The following DENND4C variants were observed in gnomAD, a reference collection of about 807,000 sequenced individuals.
The protein encoded by DENND4C is DENN domain containing 4C.
In DENND4C, 108 loss-of-function variants were observed where a neutral mutation model predicts 203.0. That is an observed-to-expected ratio of 0.53 (90% CI 0.46 to 0.62). The LOEUF (loss-of-function observed/expected upper bound fraction) is 0.62, where lower values mean the gene tolerates loss of function less well. DENND4C is among the 20% of genes least tolerant of loss of function. The probability of loss-of-function intolerance (pLI) is 0.00; values close to 1 mark genes in which losing one functional copy is unlikely to be tolerated. For missense variants in DENND4C, 2,481 were observed against 2,301.2 expected (o/e 1.08, Z -1.60); for synonymous variants, 871 against 792.4 (o/e 1.10, Z -1.67).
chr9:19,331,149 A>G (rs1485402806), intron 16 of DENND4C, among the ~76,000 whole-genome samples: 1 of 152,148 alleles, frequency 6.6e-6, no homozygotes, highest in Non-Finnish European at 1.5e-5. Flanking sequence ...AACCAGAACT[A>G]GAAAACATGA....
chr9:19,231,373 C>T (rs1293417032), intron 1 of DENND4C, among the ~76,000 whole-genome samples: 1 of 152,130 alleles, frequency 6.6e-6, no homozygotes, highest in Non-Finnish European at 1.5e-5. Context: ...ACATTTCCTT[C>T]TCTGTCTTAC....
In DENND4C at chr9:19,328,114, G is replaced by C. The variant is rs774573541; in HGVS notation, c.2205G>C (p.Gly735=). Residue 735 remains glycine, a synonymous_variant, in exon 16 of 33, where the codon GGG becomes GGC. Transcript: ENST00000434457. The stretch of plus-strand genomic sequence containing the variant: ...TTTGTTTTAGTAGACACCCTACTGG[G>C]AATAGCATTACAAAGAGTCCACCTC... The part of the protein sequence containing the change: ...LKLCFSRHPT[G]NSITKSPPLM... The C allele has an allele frequency of 6.2e-7, 1 of 1,613,534 alleles. No individual in the cohort carries two copies.
Position 19,316,720 on chromosome 9 carries a change from A to T in DENND4C, c.1688A>T (p.Gln563Leu), listed in dbSNP as rs1249155767. The T allele has an allele frequency of 1.2e-6, 2 of 1,614,146 alleles. No individual in the cohort carries two copies. Among genetic ancestry groups the T allele is most frequent in the South Asian group, 2.2e-5 (2 of 91,082 alleles). ...KKMTQLEMEIQEAFLRFMASI... is the reference protein window; with the variant it reads ...KKMTQLEMEILEAFLRFMASI... ...ATGACACAGCTTGAGATGGAAATTC[A>T]AGAGGCATTTTTGCGCTTTATGGCG... is the stretch of plus-strand genomic sequence containing the variant. The change falls in exon 12 of 33, where the codon CAA becomes CTA. Residue 563 changes from glutamine to leucine, a missense_variant. Transcript: ENST00000434457.
At chr9:19,324,612 G>C in intron 13 of DENND4C, 105 bp downstream of exon 13, 2 of 1,226,016 alleles carry the variant, frequency 1.6e-6, no homozygotes, top group East Asian at 2.4e-5. Flanking sequence ...AAACAGAGTA[G>C]GGTTGTGTAT....
chr9:19,272,945 CTTTT>C (rs35973945), intron 1 of DENND4C, among the ~76,000 whole-genome samples: 1 of 86,604 alleles, frequency 1.2e-5, no homozygotes, highest in Non-Finnish European at 2.3e-5. Context: ...TTTTTGTATC[CTTTT>C]TTTTTTTTTT....
intron 1 of DENND4C, among the ~76,000 whole-genome samples, chr9:19,258,385 A>T (rs1828509690): frequency 6.6e-6 from 1 of 152,206 alleles, no homozygotes; most frequent in Non-Finnish European, 1.5e-5. Context: ...TACCAGAACC[A>T]AAGATATTAC....
intron 31 of DENND4C, among the ~76,000 whole-genome samples, chr9:19,371,122 CTTTTT>C: frequency 6.6e-6 from 1 of 152,016 alleles, no homozygotes; most frequent in East Asian, 1.9e-4. Flanking sequence ...AGCCTTACGT[CTTTTT>C]TTTCTCTGTA....
intron 12 of DENND4C, among the ~76,000 whole-genome samples, chr9:19,319,315 C>CATATATATATACATATAT (rs1563798831): frequency 1.8e-5 from 1 of 56,480 alleles, no homozygotes; most frequent in African/African-American, 4.4e-5. Context: ...CATATATACA[C>CATATATATATACATATAT]ACATATATAT....
chr9:19,240,151 T>C (rs1823307587), intron 1 of DENND4C, among the ~76,000 whole-genome samples: 1 of 152,146 alleles, frequency 6.6e-6, no homozygotes, highest in African/African-American at 2.4e-5. Context: ...TTCTGAGGAA[T>C]GCATCATTGG....
rs1156742145 is a variant in DENND4C at position 19,280,171 on chromosome 9, T to TC, written c.305+3692_305+3693insC. On this transcript the variant is annotated intron_variant, in intron 2 of 32. Coordinates refer to ENST00000434457, the MANE Select transcript of DENND4C (RefSeq NM_001330640.2). ...CTCCCTTCCTCCCTTCCTTTTTTTTTGGACAGAGTCTCGCTCTGTCCAGGC... is the reference window on the plus strand; with the variant it reads ...CTCCCTTCCTCCCTTCCTTTTTTTTTCGGACAGAGTCTCGCTCTGTCCAGGC... Among the ~76,000 whole-genome samples the TC allele has an allele frequency of 1.3e-3, 197 of 152,192 alleles. 1 individual carries two copies. Among genetic ancestry groups the TC allele is most frequent in the African/African-American group, 4.4e-3 (184 of 41,528 alleles).
intron 2 of DENND4C, among the ~76,000 whole-genome samples, chr9:19,282,487 C>G (rs895126384): frequency 6.7e-6 from 1 of 149,258 alleles, no homozygotes; most frequent in African/African-American, 2.5e-5. Context: ...CACCTGAGCT[C>G]AAGTGATCTG....
chr9:19,288,750 C>T (rs1835695316), intron 4 of DENND4C, 85 bp downstream of exon 4: 2 of 643,856 alleles, frequency 3.1e-6, no homozygotes, highest in Non-Finnish European at 4.4e-6. Flanking sequence ...AGTATGCTCC[C>T]TTACATAGTT....
intron 30 of DENND4C, among the ~76,000 whole-genome samples, chr9:19,367,507 C>T (rs990916941): frequency 2.6e-5 from 4 of 152,140 alleles, no homozygotes; most frequent in South Asian, 2.1e-4. Flanking sequence ...AGGCTGAGGC[C>T]GGCAGATCAC....
intron 10 of DENND4C, among the ~76,000 whole-genome samples, chr9:19,312,608 A>T (rs545316754): frequency 1.2e-4 from 18 of 152,312 alleles, no homozygotes; most frequent in African/African-American, 4.3e-4. Context: ...GGGTGTGTGT[A>T]TGTGTTTTAA....
intron 1 of DENND4C, among the ~76,000 whole-genome samples, chr9:19,251,873 A>G (rs900462804): frequency 2.0e-5 from 3 of 152,170 alleles, no homozygotes; most frequent in African/African-American, 7.2e-5. Context: ...ATTTTGGTCA[A>G]AGCCACTTAA....
intron 10 of DENND4C, among the ~76,000 whole-genome samples, chr9:19,307,457 T>A (rs1839915458): frequency 6.7e-6 from 1 of 149,900 alleles, no homozygotes; most frequent in Admixed American, 6.7e-5. Flanking sequence ...AAATAACTTG[T>A]ATCTATTCAC....
At chr9:19,286,664 A>G in intron 2 of DENND4C, 105 bp from the exon 3 acceptor site, 3 of 1,114,882 alleles carry the variant, frequency 2.7e-6, no homozygotes, top group Non-Finnish European at 3.4e-6. Flanking sequence ...TTTGATTTCA[A>G]GAAGAAAACC....
intron 2 of DENND4C, among the ~76,000 whole-genome samples, chr9:19,282,715 C>CTTTTTTTTTTTTTTTTTTTTTTTTTT (rs1554717864): frequency 1.2e-5 from 1 of 86,638 alleles, no homozygotes; most frequent in African/African-American, 4.4e-5. Flanking sequence ...TTTCTTCTCT[C>CTTTTTTTTTTTTTTTTTTTTTTTTTT]TTTTTTTTTT....
intron 20 of DENND4C, among the ~76,000 whole-genome samples, chr9:19,337,140 C>T (rs1239463499): frequency 2.0e-5 from 3 of 152,146 alleles, no homozygotes; most frequent in Admixed American, 6.5e-5. Context: ...AGTGACACAA[C>T]TTGCAAATCT....
Sources: allele counts gnomAD v4.1 joint callset (sites outside exome capture counted in the v4.1 genomes callset), GRCh38; gene constraint gnomAD v4.1.1; transcripts MANE v1.5; gene names NCBI Gene and HGNC (gene_info 2026-07-23, HGNC 2026-07-21).